Variants in SYT1 observed in about 807,000 individuals in gnomAD.
The protein encoded by SYT1 is synaptotagmin-1.
In SYT1, 8 loss-of-function variants were observed where a neutral mutation model predicts 44.8. That is an observed-to-expected ratio of 0.18 (90% confidence interval 0.10 to 0.32). The LOEUF (loss-of-function observed/expected upper bound fraction) is 0.32, where lower values mean the gene tolerates loss of function less well. Among genes scored for constraint, SYT1 ranks in the 10% least tolerant of loss-of-function variants. SYT1 has a pLI of 1.00. For synonymous variants in SYT1, 154 were observed against 188.8 expected (o/e 0.82, Z 1.51); for missense variants, 286 against 509.3 (o/e 0.56, Z 4.22).
chr12:79,439,523 G>A (rs1358394351), intron 9 of SYT1, among the ~76,000 whole-genome samples: 1 of 152,116 alleles, frequency 6.6e-6, no homozygotes, highest in African/African-American at 2.4e-5. Context: ...TTTCCCATTT[G>A]CTAATGGTGG....
intron 3 of SYT1, among the ~76,000 whole-genome samples, chr12:79,202,431 A>G (rs1262781458): frequency 6.6e-6 from 1 of 152,148 alleles, no homozygotes; most frequent in African/African-American, 2.4e-5. Context: ...AAGATGTGAA[A>G]ATTCGCCATG....
At chr12:79,432,382 G>A (rs1188477383) in intron 9 of SYT1, among the ~76,000 whole-genome samples, 1 of 150,036 alleles carries the variant, frequency 6.7e-6, no homozygotes, top group Admixed American at 6.7e-5. Flanking sequence ...CCCCACAAGA[G>A]GCCCCGGTGT....
At position 79,448,918 on chromosome 12, in the gene SYT1, A is replaced by C; in HGVS notation, c.1063A>C (p.Lys355Gln). 6.2e-7 allele frequency: 1 copy of C among 1,613,988 alleles called. No individual in the cohort carries two copies. The highest frequency in any genetic ancestry group is 8.5e-7 in the Non-Finnish European group (1 of 1,179,906). ...SFEVPFEQIQ[K>Q]VQVVVTVLDY... ...ATATTCATTTCATGGCTTCTTTCAGAAAGTGCAGGTGGTGGTAACTGTTTT... is the reference window on the plus strand; with the variant it reads ...ATATTCATTTCATGGCTTCTTTCAGCAAGTGCAGGTGGTGGTAACTGTTTT... The change falls in exon 11 of 11, where the codon AAA becomes CAA. Residue 355 changes from lysine to glutamine, a missense_variant and splice_region_variant. Coordinates refer to ENST00000261205, the MANE Select transcript of SYT1 (RefSeq NM_005639.3).
rs575265987 is a variant in SYT1, at chr12:79,365,692, A to G, written c.928+12073A>G. On this transcript the variant is annotated intron_variant, in intron 9 of 10. Coordinates refer to ENST00000261205, the MANE Select transcript of SYT1 (RefSeq NM_005639.3). ...CTTCTACTACTGGCTGCTGTTGCTG[A>G]GAAGTAAAATGTTACATTTATACAA... is the stretch of plus-strand genomic sequence containing the variant. Among the ~76,000 whole-genome samples the G allele has an allele frequency of 7.0e-4, 107 of 152,264 alleles. 2 individuals are homozygous for G. In the South Asian group the frequency reaches 0.022, roughly 31 times the overall value.
chr12:79,366,071 G>C (rs1883531029), intron 9 of SYT1, among the ~76,000 whole-genome samples: 1 of 152,114 alleles, frequency 6.6e-6, no homozygotes, highest in South Asian at 2.1e-4. Context: ...GCATCTGAAA[G>C]CTACTTTTAC....
At chr12:78,916,136 A>G (rs1478324992) in intron 1 of SYT1, among the ~76,000 whole-genome samples, 1 of 152,052 alleles carries the variant, frequency 6.6e-6, no homozygotes, top group African/African-American at 2.4e-5. Context: ...TTCAGTTATC[A>G]GTTTTGTAGC....
chr12:79,049,393 G>T (rs1417604848), intron 3 of SYT1, among the ~76,000 whole-genome samples: 2 of 151,628 alleles, frequency 1.3e-5, no homozygotes, highest in African/African-American at 4.8e-5. Context: ...GTTTGGAGCA[G>T]GTTTTAATCT....
chr12:79,063,881 A>G (rs1214663008), intron 3 of SYT1, among the ~76,000 whole-genome samples: 1 of 152,166 alleles, frequency 6.6e-6, no homozygotes, highest in Non-Finnish European at 1.5e-5. Context: ...GCTTTGACCC[A>G]GGAGTCTGAC....
intron 3 of SYT1, among the ~76,000 whole-genome samples, chr12:79,141,549 T>C (rs980275822): frequency 5.3e-5 from 8 of 152,258 alleles, no homozygotes; most frequent in African/African-American, 1.7e-4. Flanking sequence ...TAAATTATTT[T>C]GAATTTCATA....
chr12:79,349,003 G>GAA (rs922647256), intron 8 of SYT1, among the ~76,000 whole-genome samples: 1 of 18,824 alleles, frequency 5.3e-5, no homozygotes, highest in Non-Finnish European at 9.3e-5. Flanking sequence ...GAGAAGGAAA[G>GAA]AAAGAAAGAA....
chr12:79,064,987 A>AAG (rs1875721527), intron 3 of SYT1, among the ~76,000 whole-genome samples: 2 of 145,480 alleles, frequency 1.4e-5, no homozygotes, highest in Admixed American at 6.9e-5. Context: ...AAAGAAAGAA[A>AAG]GAAAGAAAGA....
At chr12:79,292,365 A>T (rs942970933) in intron 6 of SYT1, among the ~76,000 whole-genome samples, 41 of 152,182 alleles carry the variant, frequency 2.7e-4, no homozygotes, top group African/African-American at 9.9e-4. Context: ...CACTTTCAGC[A>T]GGCAGACAGA....
At chr12:78,884,570 T>C (rs1874631265) in intron 1 of SYT1, among the ~76,000 whole-genome samples, 1 of 151,570 alleles carries the variant, frequency 6.6e-6, no homozygotes, top group African/African-American at 2.4e-5. Flanking sequence ...TAACATCTTG[T>C]TTGTTTAATA....
At chr12:78,983,840 G>A (rs1015831005) in intron 2 of SYT1, among the ~76,000 whole-genome samples, 15 of 152,110 alleles carry the variant, frequency 9.9e-5, no homozygotes, top group African/African-American at 3.6e-4. Context: ...GCAGTGTAAA[G>A]TTTCTATAAC....
intron 2 of SYT1, among the ~76,000 whole-genome samples, chr12:78,997,703 C>A: frequency 6.7e-6 from 1 of 148,182 alleles, no homozygotes; most frequent in African/African-American, 2.5e-5. Context: ...AGGAAGAAAA[C>A]AGTGGAGTTT....
chr12:79,283,072 AG>A (rs890881778), intron 4 of SYT1, among the ~76,000 whole-genome samples: 2 of 152,156 alleles, frequency 1.3e-5, no homozygotes, highest in African/African-American at 4.8e-5. Flanking sequence ...TGAGCATCCA[AG>A]TAACTCTATT....
At chr12:78,952,808 C>T (rs1879032941) in intron 1 of SYT1, among the ~76,000 whole-genome samples, 1 of 152,082 alleles carries the variant, frequency 6.6e-6, no homozygotes, top group African/African-American at 2.4e-5. Context: ...TGAAAACAGA[C>T]CAACTTTTCC....
chr12:79,054,711 AT>A (rs1292901460), intron 3 of SYT1, among the ~76,000 whole-genome samples: 4 of 151,926 alleles, frequency 2.6e-5, no homozygotes, highest in Admixed American at 1.3e-4. Flanking sequence ...AGTCTCTGTC[AT>A]CAAGTAGTTT....
At chr12:79,111,528 C>T (rs961322279) in intron 3 of SYT1, among the ~76,000 whole-genome samples, 34 of 151,880 alleles carry the variant, frequency 2.2e-4, no homozygotes, top group African/African-American at 7.7e-4. Flanking sequence ...ACTTTTAAAA[C>T]TATCACGATG....
Sources: gnomAD v4.1 joint callset for allele counts (sites outside exome capture counted in the v4.1 genomes callset) on GRCh38, gnomAD v4.1.1 for gene constraint, MANE v1.5 for transcripts, NCBI Gene and HGNC (gene_info 2026-07-23, HGNC 2026-07-21) for gene names.